The following LARGE1 variants were observed in gnomAD, a reference collection of about 807,000 sequenced individuals.
LARGE1 encodes the protein xylosyl- and glucuronyltransferase LARGE1.
A neutral mutation model predicts 87.6 loss-of-function variants in LARGE1; 43 were observed. That is an observed-to-expected ratio of 0.49 (90% CI 0.38 to 0.63). The LOEUF (loss-of-function observed/expected upper bound fraction) is 0.63. Ranked by LOEUF, LARGE1 falls within the 30% of genes least tolerant of loss-of-function variation. LARGE1 has a pLI of 0.00. For synonymous variants in LARGE1, 434 were observed against 394.6 expected (o/e 1.10, Z -1.18); for missense variants, 802 against 1,000.2 (o/e 0.80, Z 2.67).
intron 1 of LARGE1, among the ~76,000 whole-genome samples, chr22:33,908,742 T>A (rs2065532999): frequency 6.6e-6 from 1 of 152,134 alleles, no homozygotes. Flanking sequence ...AGGGATTGGA[T>A]TATCCTATTT....
chr22:33,748,519 A>G (rs1022331797), intron 2 of LARGE1, among the ~76,000 whole-genome samples: 2 of 152,204 alleles, frequency 1.3e-5, no homozygotes, highest in Non-Finnish European at 2.9e-5. Flanking sequence ...AATTCATGCT[A>G]GGCACCATGG....
chr22:33,324,427 T>C (rs1601448838), intron 10 of LARGE1, among the ~76,000 whole-genome samples: 1 of 151,988 alleles, frequency 6.6e-6, no homozygotes, highest in Middle Eastern at 3.4e-3. Flanking sequence ...TGAATGCTAC[T>C]GTACTCTGCT....
At chr22:33,634,786 C>T (rs576511293) in intron 3 of LARGE1, among the ~76,000 whole-genome samples, 2 of 152,136 alleles carry the variant, frequency 1.3e-5, no homozygotes, top group South Asian at 4.2e-4. Context: ...CTAGGCAATT[C>T]CTGAGAATGA....
rs116491314 is a variant in LARGE1, at chr22:33,261,090, C to G, written c.1730+43139G>C. 1.8e-3 allele frequency among the ~76,000 whole-genome samples: 271 copies of G among 152,304 alleles called. 1 individual carries two copies. The highest frequency in any genetic ancestry group is 5.9e-3 in the African/African-American group (245 of 41,578). Reference sequence around the variant, plus strand: ...TATGGAATTTCAGTCAACACTCATTCAGCATGCGTGTACCAGCACCCCTTC... The same window carrying G: ...TATGGAATTTCAGTCAACACTCATTGAGCATGCGTGTACCAGCACCCCTTC... On this transcript the variant is annotated intron_variant, in intron 11 of 11. Transcript: ENST00000608642.
At chr22:33,199,027 A>G (rs1924233079) in intron 11 of LARGE1, among the ~76,000 whole-genome samples, 1 of 152,152 alleles carries the variant, frequency 6.6e-6, no homozygotes, top group South Asian at 2.1e-4. Flanking sequence ...CTTTCTGATA[A>G]TAGCCATTCT....
intron 7 of LARGE1, among the ~76,000 whole-genome samples, chr22:33,389,898 A>G (rs866147325): frequency 2.1e-4 from 32 of 151,888 alleles, no homozygotes; most frequent in African/African-American, 7.3e-4. Context: ...AACCAAACAA[A>G]AAAAACCAAG....
chr22:33,148,078 G>A, the LARGE1 span, among the ~76,000 whole-genome samples: 1 of 152,140 alleles, frequency 6.6e-6, no homozygotes. Flanking sequence ...TCCTCTTCAA[G>A]GGATGAGTTT....
intron 9 of LARGE1, among the ~76,000 whole-genome samples, chr22:33,346,503 A>G (rs1939780818): frequency 6.6e-6 from 1 of 152,054 alleles, no homozygotes; most frequent in Non-Finnish European, 1.5e-5. Context: ...AGGTTTCGCC[A>G]TGTTGTCCAG....
intron 2 of LARGE1, among the ~76,000 whole-genome samples, chr22:33,695,108 CTTT>C (rs71320988): frequency 1.4e-5 from 2 of 140,086 alleles, no homozygotes; most frequent in African/African-American, 2.7e-5. Flanking sequence ...TTCTTTCTTT[CTTT>C]TTTTTTTTTT....
At chr22:33,608,280 C>T (rs774803212) in intron 4 of LARGE1, among the ~76,000 whole-genome samples, 66 of 152,202 alleles carry the variant, frequency 4.3e-4, no homozygotes, top group Non-Finnish European at 6.9e-4. Context: ...TATATTTGCT[C>T]TAATGCATCA....
At chr22:33,543,317 G>C (rs1569254286) in intron 6 of LARGE1, among the ~76,000 whole-genome samples, 2 of 152,180 alleles carry the variant, frequency 1.3e-5, no homozygotes, top group East Asian at 3.8e-4. Flanking sequence ...GAAGATCAAA[G>C]AGATAATTCA....
chr22:33,476,458 C>T (rs1360392152), intron 6 of LARGE1, among the ~76,000 whole-genome samples: 4 of 152,206 alleles, frequency 2.6e-5, no homozygotes, highest in Admixed American at 6.5e-5. Flanking sequence ...AACCAATGCA[C>T]ATCTTATACA....
intron 1 of LARGE1, among the ~76,000 whole-genome samples, chr22:33,812,652 A>G (rs1398898881): frequency 2.0e-5 from 3 of 152,210 alleles, no homozygotes; most frequent in East Asian, 1.9e-4. Flanking sequence ...TCCCTCTGCA[A>G]TGATCCCCTT....
At chr22:33,069,165 G>A in the LARGE1 span, among the ~76,000 whole-genome samples, 1 of 152,064 alleles carries the variant, frequency 6.6e-6, no homozygotes, top group African/African-American at 2.4e-5. Flanking sequence ...CAGTGTGAGG[G>A]ATGCAGAAGC....
At chr22:33,253,211 G>C (rs1282258438) in intron 11 of LARGE1, among the ~76,000 whole-genome samples, 1 of 152,210 alleles carries the variant, frequency 6.6e-6, no homozygotes, top group Non-Finnish European at 1.5e-5. Flanking sequence ...TTATAGGGTT[G>C]TTGTGACAAT....
chr22:33,722,705 T>C (rs148163119), intron 2 of LARGE1, among the ~76,000 whole-genome samples: 2 of 151,720 alleles, frequency 1.3e-5, no homozygotes, highest in East Asian at 3.9e-4. Context: ...GACAGAAAAA[T>C]AATCCTGATA....
At chr22:33,173,468 C>T (rs12483930) in intron 11 of LARGE1, among the ~76,000 whole-genome samples, 1 of 152,042 alleles carries the variant, frequency 6.6e-6, no homozygotes. Context: ...ACCACAATGA[C>T]AAGATCAAAT....
chr22:33,595,090 CCTCT>C (rs1314210497), intron 5 of LARGE1, among the ~76,000 whole-genome samples: 2 of 152,102 alleles, frequency 1.3e-5, no homozygotes, highest in Admixed American at 1.3e-4. Flanking sequence ...AAACACATGT[CCTCT>C]CTGTGGCATG....
intron 13 of LARGE1, among the ~76,000 whole-genome samples, chr22:33,279,177 G>A (rs1929955845): frequency 6.6e-6 from 1 of 152,196 alleles, no homozygotes; most frequent in African/African-American, 2.4e-5. Flanking sequence ...GCCTCTAGAA[G>A]CTACAGAGAG....
Sources: allele counts gnomAD v4.1 joint callset (sites outside exome capture counted in the v4.1 genomes callset), GRCh38; gene constraint gnomAD v4.1.1; transcripts MANE v1.5; gene names NCBI Gene and HGNC (gene_info 2026-07-23, HGNC 2026-07-21).